The following DIP2C variants were observed in gnomAD, a reference collection of about 807,000 sequenced individuals.
The protein encoded by DIP2C is disco-interacting protein 2 homolog C.
DIP2C carries 33 observed loss-of-function variants against 192.4 expected under a neutral mutation model. That is an observed-to-expected ratio of 0.17 (90% CI 0.13 to 0.23). DIP2C has a LOEUF of 0.23. DIP2C is among the 10% of genes least tolerant of loss of function. DIP2C has a pLI of 1.00. For synonymous variants in DIP2C, 979 were observed against 864.1 expected, an observed-to-expected ratio of 1.13 and a Z score of -2.33; for missense variants, 1,537 against 2,110.1, an observed-to-expected ratio of 0.73 and a Z score of 5.32.
chr10:306,863 T>C (rs1956347483), intron 32 of DIP2C, among the ~76,000 whole-genome samples: 1 of 152,206 alleles, frequency 6.6e-6, no homozygotes, highest in African/African-American at 2.4e-5. Context: ...CTGGCTTTAC[T>C]GCACCTGTTC....
chr10:449,175 A>G (rs536079562), intron 3 of DIP2C, among the ~76,000 whole-genome samples: 70 of 136,932 alleles, frequency 5.1e-4, no homozygotes, highest in African/African-American at 1.8e-3. Context: ...CACCCCTGTC[A>G]ATACTCAGGA....
intron 1 of DIP2C, among the ~76,000 whole-genome samples, chr10:620,965 G>T (rs1042534737): frequency 1.3e-5 from 2 of 152,160 alleles, no homozygotes. Context: ...AGTTGTTTTT[G>T]TTTTTCCCAC....
chr10:292,438 T>C lies in DIP2C; in HGVS notation c.3987-4017A>G, dbSNP rs541323247. Among the ~76,000 whole-genome samples, 45 of 152,366 alleles carry C rather than the reference T, an allele frequency of 3.0e-4. 1 individual carries two copies. The South Asian group carries it at 9.3e-3, about 32-fold the overall frequency. ...TTTCATCCTACGCTGTCAAGTGGACTTGAAGTTCGGACTTTTGCTAGAAAA... is the reference window on the plus strand; with the variant it reads ...TTTCATCCTACGCTGTCAAGTGGACCTGAAGTTCGGACTTTTGCTAGAAAA... On this transcript the variant is annotated intron_variant, in intron 32 of 36. Coordinates refer to ENST00000280886, the MANE Select transcript of DIP2C (RefSeq NM_014974.3).
chr10:579,470 TACAG>T (rs976152944), intron 1 of DIP2C, among the ~76,000 whole-genome samples: 3 of 151,086 alleles, frequency 2.0e-5, no homozygotes, highest in Non-Finnish European at 2.9e-5. Flanking sequence ...CGTACACACA[TACAG>T]ATCCAGTGTA....
intron 1 of DIP2C, among the ~76,000 whole-genome samples, chr10:573,990 C>T (rs545324809): frequency 6.6e-6 from 1 of 152,212 alleles, no homozygotes; most frequent in East Asian, 1.9e-4. Context: ...CTCCCTGTCA[C>T]TTTCCTCAAC....
At chr10:524,430 A>G (rs1394905000) in intron 1 of DIP2C, among the ~76,000 whole-genome samples, 1 of 152,230 alleles carries the variant, frequency 6.6e-6, no homozygotes, top group Non-Finnish European at 1.5e-5. Context: ...AAGTATACAC[A>G]TTATAGAAGT....
In DIP2C at chr10:409,034, C is replaced by T. The variant is rs1965005281; in HGVS notation, c.1058-17G>A. 3 of 1,613,092 alleles carry T rather than the reference C, an allele frequency of 1.9e-6. No individual in the cohort carries two copies. Among genetic ancestry groups the T allele is most frequent in the Non-Finnish European group, 2.5e-6 (3 of 1,179,184 alleles). ...ACAGCTTGCCTATGAATACAAATCA[C>T]AGACAAATGTGCGTATTAAACCATA... is the stretch of plus-strand genomic sequence containing the variant. On this transcript the variant is annotated splice_polypyrimidine_tract_variant and intron_variant, in intron 8 of 36. Transcript: ENST00000280886.
At position 578,686 on chromosome 10, in the gene DIP2C, G is replaced by A. The variant is rs560112863; in HGVS notation, c.86-92156C>T. ...GGGGCCCTATTCCTGTTGCCATAGA[G>A]CACACACACATCTAGATCCACATAC... On this transcript the variant is annotated intron_variant, in intron 1 of 36. Coordinates refer to ENST00000280886, the MANE Select transcript of DIP2C (RefSeq NM_014974.3). 7.2e-5 allele frequency among the ~76,000 whole-genome samples: 11 copies of A among 152,298 alleles called. No homozygotes were observed. The South Asian group carries it at 2.3e-3, about 32-fold the overall frequency.
intron 3 of DIP2C, among the ~76,000 whole-genome samples, chr10:464,424 G>A (rs1163083400): frequency 6.6e-6 from 1 of 151,302 alleles, no homozygotes; most frequent in Non-Finnish European, 1.5e-5. Context: ...TTAGAAAAAT[G>A]CAAATCAAAA....
At chr10:564,324 C>G (rs1849356238) in intron 1 of DIP2C, among the ~76,000 whole-genome samples, 2 of 152,122 alleles carry the variant, frequency 1.3e-5, no homozygotes. Context: ...GCTCCATCTC[C>G]TCAACCACAG....
intron 1 of DIP2C, among the ~76,000 whole-genome samples, chr10:606,749 C>CT (rs1218214633): frequency 6.6e-6 from 1 of 152,208 alleles, no homozygotes; most frequent in East Asian, 1.9e-4. Flanking sequence ...CAAAACCCCT[C>CT]TTAAAGAACG....
chr10:650,342 T>G (rs767907697), intron 1 of DIP2C: 1 of 717,086 alleles, frequency 1.4e-6, no homozygotes, highest in African/African-American at 1.7e-5. Flanking sequence ...CCACAGCCAC[T>G]GCAAGCCCCA....
chr10:349,548 G>C, intron 24 of DIP2C, 94 bp from the exon 25 acceptor site: 3 of 1,489,978 alleles, frequency 2.0e-6, no homozygotes, highest in South Asian at 1.3e-5. Context: ...CTGGCGCAAA[G>C]CATACATCAC....
At chr10:646,849 T>G (rs1035873925) in intron 1 of DIP2C, among the ~76,000 whole-genome samples, 1 of 152,268 alleles carries the variant, frequency 6.6e-6, no homozygotes, top group Non-Finnish European at 1.5e-5. Context: ...AAATCCTTTT[T>G]TTCTTCCAAA....
At chr10:540,673 G>A (rs966907253) in intron 1 of DIP2C, among the ~76,000 whole-genome samples, 9 of 152,128 alleles carry the variant, frequency 5.9e-5, no homozygotes, top group Admixed American at 2.6e-4. Context: ...CCACCAAATC[G>A]TACACTTAAA....
chr10:677,130 A>G (rs1430031923), intron 1 of DIP2C, among the ~76,000 whole-genome samples: 1 of 152,264 alleles, frequency 6.6e-6, no homozygotes, highest in African/African-American at 2.4e-5. Context: ...TCCTATGTCA[A>G]TGTTGTGGTC....
chr10:496,075 T>C (rs1274821756), intron 1 of DIP2C, among the ~76,000 whole-genome samples: 2 of 141,440 alleles, frequency 1.4e-5, no homozygotes, highest in Admixed American at 7.2e-5. Flanking sequence ...ACTTGAGTGC[T>C]GAGTACACAG....
intron 1 of DIP2C, among the ~76,000 whole-genome samples, chr10:531,212 C>T (rs1023689229): frequency 2.0e-5 from 3 of 152,138 alleles, no homozygotes; most frequent in East Asian, 1.9e-4. Context: ...TGACTTTCCC[C>T]GTAAACATTC....
intron 1 of DIP2C, among the ~76,000 whole-genome samples, chr10:572,454 A>AAT (rs1746115680): frequency 6.6e-6 from 1 of 152,224 alleles, no homozygotes; most frequent in Non-Finnish European, 1.5e-5. Flanking sequence ...GGGTGAGTCT[A>AAT]ATGTTGATGA....
Sources: gnomAD v4.1 joint callset for allele counts (sites outside exome capture counted in the v4.1 genomes callset) on GRCh38, gnomAD v4.1.1 for gene constraint, MANE v1.5 for transcripts, NCBI Gene and HGNC (gene_info 2026-07-23, HGNC 2026-07-21) for gene names.